Variants in TMEM255A observed in about 807,000 individuals in gnomAD.
The protein encoded by TMEM255A is family with sequence similarity 70, member A.
TMEM255A carries 14 observed loss-of-function variants against 23.5 expected under a neutral mutation model. That is an observed-to-expected ratio of 0.60 (90% CI 0.39 to 0.93). The LOEUF is 0.93. Among genes scored for constraint, TMEM255A ranks in the 40% least tolerant of loss-of-function variants. The pLI, the probability that TMEM255A is intolerant of heterozygous loss-of-function variation, is 0.00. For synonymous variants in TMEM255A, 104 were observed against 100.3 expected (o/e 1.04, Z -0.22); for missense variants, 233 against 261.7 (o/e 0.89, Z 0.76).
At chrX:120,296,893 A>T (rs1263218307) in intron 2 of TMEM255A, among the ~76,000 whole-genome samples, 2 of 6,696 alleles carry the variant, frequency 3.0e-4, no homozygotes, top group Non-Finnish European at 3.8e-4. Context: ...ATTATATATG[A>T]TATATATAAT....
Position 120,281,604 on chromosome X carries a change from T to G in TMEM255A, c.512+3523A>C, listed in dbSNP as rs184684372. Among the ~76,000 whole-genome samples, 288 of 112,968 alleles carry G rather than the reference T, an allele frequency of 2.5e-3. 1 individual carries two copies. The highest frequency in any genetic ancestry group is 5.3e-3 in the Admixed American group (57 of 10,756). Reference sequence around the variant, plus strand: ...TAAGGGCAAAGCTGTGTCTTATTGATGCCCATTCTTTTAGAACAGCCCCTA... The same window carrying G: ...TAAGGGCAAAGCTGTGTCTTATTGAGGCCCATTCTTTTAGAACAGCCCCTA... On this transcript the variant is annotated intron_variant, in intron 6 of 8. Coordinates refer to ENST00000371369, the MANE Select transcript of TMEM255A (RefSeq NM_001104544.3).
intron 2 of TMEM255A, among the ~76,000 whole-genome samples, chrX:120,297,385 TAGA>T (rs2058003741): frequency 9.6e-6 from 1 of 103,922 alleles, no homozygotes; most frequent in Non-Finnish European, 1.9e-5. Flanking sequence ...TAAGGTTTCA[TAGA>T]GGAGGAGACA....
intron 5 of TMEM255A, among the ~76,000 whole-genome samples, chrX:120,286,839 G>C (rs1429927232): frequency 1.8e-5 from 2 of 111,469 alleles, no homozygotes; most frequent in Admixed American, 1.9e-4. Flanking sequence ...ACAGAGATGG[G>C]GGAGGGTCAT....
In TMEM255A at chrX:120,291,316, T is replaced by C. The variant is rs782260257; in HGVS notation, c.289A>G (p.Ser97Gly). Residue 97 changes from serine (S) to glycine (G), a missense_variant, in exon 4 of 9, where the codon AGC becomes GGC. Ser to Gly is a moderately conservative substitution (Grantham distance 56). Transcript: ENST00000371369. ...CAAAAAGCCGCAATCACACCAAAGC[T>C]GATAAACACGATAGAAGCCACCAGC... ...QMLVASIVFI[S>G]FGVIAAFCCA... 1.7e-6 allele frequency: 2 copies of C among 1,208,560 alleles called. No individual in the cohort carries two copies. Among genetic ancestry groups the C allele is most frequent in the South Asian group, 1.8e-5 (1 of 56,388 alleles).
At chrX:120,283,089 G>A (rs368698823) in intron 6 of TMEM255A, among the ~76,000 whole-genome samples, 3 of 110,135 alleles carry the variant, frequency 2.7e-5, no homozygotes, top group East Asian at 2.9e-4. Context: ...GATGAGGGGA[G>A]GCAAGAGGAA....
At chrX:120,269,190 T>C (rs2147182970) in intron 7 of TMEM255A, among the ~76,000 whole-genome samples, 1 of 109,942 alleles carries the variant, frequency 9.1e-6, no homozygotes, top group South Asian at 3.9e-4. Context: ...CACAACATGG[T>C]GGTGTGTGTA....
intron 1 of TMEM255A, among the ~76,000 whole-genome samples, chrX:120,310,523 C>G (rs2058092261): frequency 8.9e-6 from 1 of 111,924 alleles, no homozygotes; most frequent in Non-Finnish European, 1.9e-5. Context: ...TTCTTTCTCG[C>G]GCTCTCACTC....
intron 4 of TMEM255A, 145 bp downstream of exon 4, chrX:120,291,106 C>T (rs371765763): frequency 2.0e-6 from 1 of 510,617 alleles, no homozygotes. Flanking sequence ...ACCTTGACTG[C>T]CAACTCCTTG....
At position 120,311,453 on chromosome X, in the gene TMEM255A, A is replaced by C. The variant is rs1188024275; in HGVS notation, c.-144T>G. 2 of 500,216 alleles carry C rather than the reference A, an allele frequency of 4.0e-6. No homozygotes were observed. The highest frequency in any genetic ancestry group is 7.1e-6 in the Non-Finnish European group (2 of 280,974). 41.2% of individuals were successfully genotyped at this position (500,216 alleles called of 1,213,427 possible). Reference sequence around the variant, plus strand: ...GACACTGCCTCTGGTTGCGAGCTGCAGCCCAAGTGCCGCCTCCCCCTCCCT... The same window carrying C: ...GACACTGCCTCTGGTTGCGAGCTGCCGCCCAAGTGCCGCCTCCCCCTCCCT... On this transcript the variant is annotated 5_prime_UTR_variant, in exon 1 of 9. Transcript: ENST00000371369.
chrX:120,298,281 C>T (rs2058010536), intron 2 of TMEM255A, among the ~76,000 whole-genome samples: 1 of 111,201 alleles, frequency 9.0e-6, no homozygotes, highest in Non-Finnish European at 1.9e-5. Flanking sequence ...GCAGTGTGTT[C>T]GATCTGTAAT....
chrX:120,263,568 CA>C (rs1178361682), intron 8 of TMEM255A, among the ~76,000 whole-genome samples: 1 of 111,651 alleles, frequency 9.0e-6, no homozygotes, highest in Admixed American at 9.5e-5. Flanking sequence ...CCTTGTGGGA[CA>C]GTGACTTCAC....
At chrX:120,307,985 C>T (rs1172607333) in intron 1 of TMEM255A, among the ~76,000 whole-genome samples, 2 of 111,912 alleles carry the variant, frequency 1.8e-5, no homozygotes, top group African/African-American at 6.5e-5. Context: ...AAACAACCAG[C>T]TTTTCTCTCA....
Position 120,304,403 on chromosome X carries a change from A to G in TMEM255A, c.147T>C (p.Ala49=). 8.3e-7 allele frequency: 1 copy of G among 1,211,153 alleles called. No individual in the cohort carries two copies. Among genetic ancestry groups the G allele is most frequent in the Non-Finnish European group, 1.1e-6 (1 of 894,907 alleles). ...VSVLILTVGL[A]ATTRTQNVTV... ...TCACATTCTGGGTCCTGGTGGTTGC[A>G]GCAAGGCCCACTGTGAGAATTAACA... Residue 49 remains alanine, a synonymous_variant, in exon 2 of 9, where the codon GCT becomes GCC. Coordinates refer to ENST00000371369, the MANE Select transcript of TMEM255A (RefSeq NM_001104544.3).
chrX:120,288,568 G>A lies in TMEM255A; in HGVS notation c.355-1346C>T, dbSNP rs782323469. Among the ~76,000 whole-genome samples the A allele has an allele frequency of 1.1e-4, 12 of 112,356 alleles. No homozygotes were observed. The South Asian group carries it at 3.7e-3, about 35-fold the overall frequency. On this transcript the variant is annotated intron_variant, in intron 4 of 8. Transcript: ENST00000371369. The stretch of plus-strand genomic sequence containing the variant: ...CCAAGTGCCCTACATGAAGACAGAC[G>A]TGTGATAGTTGCCCATTTGCTGCCT...
chrX:120,253,295 C>T, the TMEM255A span: 1 of 762,348 alleles, frequency 1.3e-6, no homozygotes, highest in Non-Finnish European at 1.8e-6. Context: ...AAAAATTATG[C>T]TGAACTTTGG....
In TMEM255A at chrX:120,259,960, C is replaced by T; in HGVS notation, c.*910G>A. ...TGGGGTGCAGGATACGTGCGGATTG[C>T]TGGGGTTAAGCACAATATTTGAAGA... is the stretch of plus-strand genomic sequence containing the variant. On this transcript the variant is annotated 3_prime_UTR_variant, in exon 9 of 9. Transcript: ENST00000371369. 1 of 180,763 alleles carries T rather than the reference C, an allele frequency of 5.5e-6. No individual in the cohort carries two copies. Among genetic ancestry groups the T allele is most frequent in the Non-Finnish European group, 8.7e-6 (1 of 115,169 alleles). 14.9% of individuals were successfully genotyped at this position (180,763 alleles called of 1,213,427 possible).
chrX:120,303,617 G>A, intron 2 of TMEM255A, among the ~76,000 whole-genome samples: 1 of 108,587 alleles, frequency 9.2e-6, no homozygotes, highest in Middle Eastern at 4.7e-3. Context: ...TGACTCCAAT[G>A]ACAGTCTAAT....
At chrX:120,297,722 G>A (rs1397001947) in intron 2 of TMEM255A, among the ~76,000 whole-genome samples, 1 of 110,891 alleles carries the variant, frequency 9.0e-6, no homozygotes, top group Non-Finnish European at 1.9e-5. Context: ...CGGGTCCCCT[G>A]AATAACAGCT....
At chrX:120,308,668 C>G (rs1371602953) in intron 1 of TMEM255A, among the ~76,000 whole-genome samples, 2 of 111,986 alleles carry the variant, frequency 1.8e-5, no homozygotes, top group Non-Finnish European at 3.8e-5. Flanking sequence ...CGAGGCCGCC[C>G]GCGAATTACA....
Sources: allele counts gnomAD v4.1 joint callset (sites outside exome capture counted in the v4.1 genomes callset), GRCh38; gene constraint gnomAD v4.1.1; transcripts MANE v1.5; gene names NCBI Gene and HGNC (gene_info 2026-07-23, HGNC 2026-07-21).